Variants in DIP2B observed in about 807,000 individuals in gnomAD.
DIP2B encodes disco-interacting protein 2 homolog B.
Under a neutral mutation model 198.0 loss-of-function variants are expected in DIP2B, and 76 were observed. The observed-to-expected ratio is 0.38, with a 90% confidence interval of 0.32 to 0.46. The LOEUF is 0.46. Ranked by LOEUF, DIP2B falls within the 20% of genes least tolerant of loss-of-function variation. The pLI is 0.99. For synonymous variants in DIP2B, 701 were observed against 739.1 expected (o/e 0.95, Z 0.84); for missense variants, 1,559 against 1,978.4 (o/e 0.79, Z 4.02).
At chr12:50,620,245 G>A (rs1020107304) in intron 1 of DIP2B, among the ~76,000 whole-genome samples, 2 of 152,122 alleles carry the variant, frequency 1.3e-5, no homozygotes, top group African/African-American at 2.4e-5. Context: ...TAGGAGGCTT[G>A]GGTGGCTGGC....
intron 1 of DIP2B, among the ~76,000 whole-genome samples, chr12:50,617,940 G>A (rs561752629): frequency 6.6e-6 from 1 of 152,290 alleles, no homozygotes; most frequent in Non-Finnish European, 1.5e-5. Context: ...TATGTTGTTT[G>A]TTTATGGACA....
At chr12:50,623,134 A>C (rs1461883673) in intron 1 of DIP2B, among the ~76,000 whole-genome samples, 1 of 152,074 alleles carries the variant, frequency 6.6e-6, no homozygotes, top group Non-Finnish European at 1.5e-5. Context: ...CTGTAATTCT[A>C]GCACTTTGGG....
intron 35 of DIP2B, 100 bp from the exon 36 acceptor site, chr12:50,739,309 A>T: frequency 7.4e-7 from 1 of 1,343,330 alleles, no homozygotes; most frequent in Non-Finnish European, 1.0e-6. Flanking sequence ...GTTGTTGTTA[A>T]TATAAAAATG....
At chr12:50,547,251 A>G (rs1006999830) in intron 1 of DIP2B, among the ~76,000 whole-genome samples, 2 of 152,192 alleles carry the variant, frequency 1.3e-5, no homozygotes, top group Non-Finnish European at 2.9e-5. Flanking sequence ...ACAGTGAAAT[A>G]TTTCTGGGAA....
chr12:50,734,364 T>A (rs1940100667), intron 33 of DIP2B, among the ~76,000 whole-genome samples, 168 bp downstream of exon 33: 1 of 152,234 alleles, frequency 6.6e-6, no homozygotes, highest in Non-Finnish European at 1.5e-5. Flanking sequence ...TTTACATTTA[T>A]AAGAAAGCTT....
intron 1 of DIP2B, among the ~76,000 whole-genome samples, chr12:50,557,969 A>AC (rs1958485413): frequency 6.6e-6 from 1 of 152,018 alleles, no homozygotes; most frequent in Non-Finnish European, 1.5e-5. Flanking sequence ...TAACAGAGAG[A>AC]CCCCATCTCT....
chr12:50,512,208 G>A (rs905896908), intron 1 of DIP2B, among the ~76,000 whole-genome samples: 1 of 148,718 alleles, frequency 6.7e-6, no homozygotes, highest in Non-Finnish European at 1.5e-5. Flanking sequence ...CTGGGTTCAA[G>A]TGATTCTCCT....
intron 1 of DIP2B, among the ~76,000 whole-genome samples, chr12:50,619,317 TAGGA>T (rs1433944262): frequency 6.6e-6 from 1 of 152,180 alleles, no homozygotes; most frequent in Non-Finnish European, 1.5e-5. Flanking sequence ...TCTTGGGAGA[TAGGA>T]ATCCTGAACA....
At chr12:50,689,055 C>T (rs909791518) in intron 12 of DIP2B, among the ~76,000 whole-genome samples, 2 of 152,064 alleles carry the variant, frequency 1.3e-5, no homozygotes, top group African/African-American at 4.8e-5. Context: ...AGGAGAGTGA[C>T]AAGAATGAAT....
intron 4 of DIP2B, among the ~76,000 whole-genome samples, chr12:50,666,461 T>C (rs976712175): frequency 6.6e-6 from 1 of 152,146 alleles, no homozygotes; most frequent in Non-Finnish European, 1.5e-5. Context: ...AAATGTTCTT[T>C]TAGAAATACT....
chr12:50,683,186 T>A lies in DIP2B; in HGVS notation c.1255T>A (p.Phe419Ile). Reference sequence around the variant, plus strand: ...TGATCCAGTCATGTTTATGGTGGCTTTCTATGGATGCCTCCTGGCAGAAGT... The same window carrying A: ...TGATCCAGTCATGTTTATGGTGGCTATCTATGGATGCCTCCTGGCAGAAGT... ...NNDPVMFMVAFYGCLLAEVIP... is the reference protein window; with the variant it reads ...NNDPVMFMVAIYGCLLAEVIP... Residue 419 changes from phenylalanine (F) to isoleucine (I), a missense_variant, in exon 10 of 38, where the codon TTC becomes ATC. Coordinates refer to ENST00000301180, the MANE Select transcript of DIP2B (RefSeq NM_173602.3). The A allele has an allele frequency of 6.2e-7, 1 of 1,613,096 alleles. No individual in the cohort carries two copies.
chr12:50,642,631 C>CA (rs991103552), intron 3 of DIP2B, among the ~76,000 whole-genome samples: 30 of 152,064 alleles, frequency 2.0e-4, no homozygotes, highest in African/African-American at 6.5e-4. Flanking sequence ...ATTAAAAATA[C>CA]AAAAAAATTT....
chr12:50,735,472 T>A (rs1395084547), intron 34 of DIP2B, among the ~76,000 whole-genome samples: 2 of 136,718 alleles, frequency 1.5e-5, no homozygotes, highest in African/African-American at 5.0e-5. Flanking sequence ...TGTTTTTTGT[T>A]TTTTGTTTTT....
chr12:50,523,841 A>G (rs1958140724), intron 1 of DIP2B, among the ~76,000 whole-genome samples: 1 of 152,194 alleles, frequency 6.6e-6, no homozygotes. Context: ...ATTTTAAAAT[A>G]AATTTACTAG....
rs1028756331 is a variant in DIP2B at position 50,748,652 on chromosome 12, G to A, written c.*3813G>A. 1.3e-5 allele frequency: 2 copies of A among 152,620 alleles called. No individual in the cohort carries two copies. The highest frequency in any genetic ancestry group is 2.4e-5 in the African/African-American group (1 of 41,436). The allele number at this position is 152,620 out of a possible 1,614,324, so 9.5% of individuals were successfully genotyped here. ...TTGTCTTGTGTTAATAAATATTGAT[G>A]CCTGATTCTGTTTAATCCTTCACAC... On this transcript the variant is annotated 3_prime_UTR_variant, in exon 38 of 38. Coordinates refer to ENST00000301180, the MANE Select transcript of DIP2B (RefSeq NM_173602.3).
At chr12:50,660,171 A>G in intron 3 of DIP2B, 23 bp from the exon 4 acceptor site, 1 of 1,593,092 alleles carries the variant, frequency 6.3e-7, no homozygotes, top group South Asian at 1.1e-5. Flanking sequence ...GAAGCTAATA[A>G]ATGCAAATGT....
intron 1 of DIP2B, among the ~76,000 whole-genome samples, chr12:50,617,314 C>T (rs1937718098): frequency 6.6e-6 from 1 of 151,856 alleles, no homozygotes. Flanking sequence ...CGCTACTACA[C>T]CTGGCTAATT....
chr12:50,648,657 C>A (rs2139496839), intron 3 of DIP2B, among the ~76,000 whole-genome samples: 1 of 94,820 alleles, frequency 1.1e-5, no homozygotes, highest in South Asian at 4.2e-4. Context: ...GCCACCACGC[C>A]CAGCCCCCTT....
intron 1 of DIP2B, among the ~76,000 whole-genome samples, chr12:50,615,952 T>C (rs1414043913): frequency 6.6e-6 from 1 of 152,260 alleles, no homozygotes; most frequent in African/African-American, 2.4e-5. Flanking sequence ...ACTTCTTCTT[T>C]GCAGGCATGG....
Sources: gnomAD v4.1 joint callset for allele counts (sites outside exome capture counted in the v4.1 genomes callset) on GRCh38, gnomAD v4.1.1 for gene constraint, MANE v1.5 for transcripts, NCBI Gene and HGNC (gene_info 2026-07-23, HGNC 2026-07-21) for gene names.